Variants in MERTK observed in about 807,000 individuals in gnomAD.
MERTK encodes the protein tyrosine-protein kinase Mer.
Under a neutral mutation model 99.3 loss-of-function variants are expected in MERTK, and 69 were observed. That is an observed-to-expected ratio of 0.70 (90% CI 0.57 to 0.85). MERTK has a LOEUF of 0.85. Among genes scored for constraint, MERTK ranks in the 40% least tolerant of loss-of-function variants. The pLI, the probability that MERTK is intolerant of heterozygous loss-of-function variation, is 0.00. For missense variants in MERTK, 1,125 were observed against 1,249.4 expected, an observed-to-expected ratio of 0.90 and a Z score of 1.50; for synonymous variants, 426 against 467.6, an observed-to-expected ratio of 0.91 and a Z score of 1.15.
chr2:111,913,645 G>T (rs1684292153), intron 1 of MERTK, among the ~76,000 whole-genome samples: 1 of 152,268 alleles, frequency 6.6e-6, no homozygotes, highest in South Asian at 2.1e-4. Flanking sequence ...CAGGGCTCAA[G>T]CGATTCTTGT....
intron 4 of MERTK, among the ~76,000 whole-genome samples, chr2:111,955,262 G>A (rs1685126404): frequency 1.3e-5 from 2 of 152,148 alleles, no homozygotes; most frequent in Admixed American, 1.3e-4. Flanking sequence ...TGTGTTGTAT[G>A]AGCTTTCTTT....
intron 10 of MERTK, among the ~76,000 whole-genome samples, chr2:112,000,499 T>C (rs77891255): frequency 6.6e-6 from 1 of 152,304 alleles, no homozygotes; most frequent in East Asian, 1.9e-4. Flanking sequence ...TCGGGTGTTT[T>C]GTAGGATGCC....
intron 4 of MERTK, among the ~76,000 whole-genome samples, chr2:111,950,590 A>G (rs1414295834): frequency 6.6e-6 from 1 of 152,184 alleles, no homozygotes; most frequent in Non-Finnish European, 1.5e-5. Flanking sequence ...AAGTGTAGAC[A>G]TTTAGTGGAT....
At chr2:111,931,146 C>A (rs906064776) in intron 2 of MERTK, among the ~76,000 whole-genome samples, 2 of 152,182 alleles carry the variant, frequency 1.3e-5, no homozygotes, top group African/African-American at 4.8e-5. Context: ...CTCACAATTA[C>A]CACAGACCTA....
At chr2:112,024,367 C>T (rs1445718207) in intron 18 of MERTK, among the ~76,000 whole-genome samples, 4 of 152,222 alleles carry the variant, frequency 2.6e-5, no homozygotes, top group African/African-American at 7.2e-5. Flanking sequence ...AATGCTGAGT[C>T]GGTTTTCTGT....
intron 4 of MERTK, chr2:111,952,643 A>G (rs1212875999): frequency 6.6e-6 from 1 of 152,224 alleles, no homozygotes; most frequent in East Asian, 1.9e-4. Flanking sequence ...CATGGAATCC[A>G]CAGTACCACA....
At chr2:111,947,285 A>C (rs7601798) in intron 3 of MERTK, 109 bp from the exon 4 acceptor site, 68,769 of 480,970 alleles carry the variant, frequency 0.14, 6 homozygotes, top group South Asian at 0.21. Context: ...CCCGCCCCCC[A>C]CAAAAAAAGA....
chr2:112,021,941 T>C (rs987407817), intron 17 of MERTK, among the ~76,000 whole-genome samples: 6 of 152,112 alleles, frequency 3.9e-5, no homozygotes, highest in Admixed American at 6.5e-5. Flanking sequence ...TGAAAGGTGC[T>C]GTGTAATTAC....
chr2:111,914,774 T>C lies in MERTK; in HGVS notation c.62-14346T>C, dbSNP rs542050148. Reference sequence around the variant, plus strand: ...CTTGATTGTGGTATATAATTATTTTTATATATTGGTGAGTTCTATTTGTTG... The same window carrying C: ...CTTGATTGTGGTATATAATTATTTTCATATATTGGTGAGTTCTATTTGTTG... On this transcript the variant is annotated intron_variant, in intron 1 of 18. Coordinates refer to ENST00000295408, the MANE Select transcript of MERTK (RefSeq NM_006343.3). Among the ~76,000 whole-genome samples the C allele has an allele frequency of 3.9e-5, 6 of 152,362 alleles. No homozygotes were observed. In the South Asian group the frequency reaches 1.0e-3, roughly 26 times the overall value.
intron 1 of MERTK, among the ~76,000 whole-genome samples, chr2:111,928,761 C>T (rs914381210): frequency 3.3e-5 from 5 of 152,238 alleles, no homozygotes; most frequent in Admixed American, 2.0e-4. Flanking sequence ...GCCAAGATTA[C>T]AGGTGTGAGC....
chr2:111,906,604 G>C (rs1377434820), intron 1 of MERTK, among the ~76,000 whole-genome samples: 1 of 152,200 alleles, frequency 6.6e-6, no homozygotes, highest in Non-Finnish European at 1.5e-5. Context: ...GTGCCTGGAG[G>C]CCAGTTTTTC....
chr2:111,994,468 G>C, intron 9 of MERTK, 64 bp downstream of exon 9: 1 of 1,595,708 alleles, frequency 6.3e-7, no homozygotes, highest in Non-Finnish European at 8.6e-7. Context: ...CAGATTGCCA[G>C]AAAGTAACCT....
At chr2:111,938,285 C>G (rs1479869132) in intron 2 of MERTK, among the ~76,000 whole-genome samples, 1 of 151,832 alleles carries the variant, frequency 6.6e-6, no homozygotes, top group Non-Finnish European at 1.5e-5. Flanking sequence ...TTTGTAGAGA[C>G]AGGGTTTTGC....
At chr2:112,013,790 G>C (rs1409886263) in intron 15 of MERTK, among the ~76,000 whole-genome samples, 1 of 149,110 alleles carries the variant, frequency 6.7e-6, no homozygotes, top group Non-Finnish European at 1.5e-5. Flanking sequence ...ATTTCAGTGG[G>C]TTTTGTTTCA....
chr2:111,927,421 C>T (rs1684587707), intron 1 of MERTK, among the ~76,000 whole-genome samples: 2 of 152,196 alleles, frequency 1.3e-5, no homozygotes, highest in African/African-American at 4.8e-5. Context: ...ACTTATATCT[C>T]CCATTAGCCA....
In MERTK at chr2:112,028,553, A is replaced by G. The variant is rs775526399; in HGVS notation, c.2689A>G (p.Ile897Val). 2 of 1,614,188 alleles carry G rather than the reference A, an allele frequency of 1.2e-6. No individual in the cohort carries two copies. The highest frequency in any genetic ancestry group is 3.3e-5 in the Admixed American group (2 of 60,018). ...GSTLAPLDLN[I>V]DPDSIIASCT... ...CACCCTTGCTCCACTGGACTTGAACATCGACCCTGACTCTATAATTGCCTC... is the reference window on the plus strand; with the variant it reads ...CACCCTTGCTCCACTGGACTTGAACGTCGACCCTGACTCTATAATTGCCTC... The change falls in exon 19 of 19, where the codon ATC becomes GTC. Residue 897 changes from isoleucine to valine, a missense_variant. Coordinates refer to ENST00000295408, the MANE Select transcript of MERTK (RefSeq NM_006343.3).
intron 15 of MERTK, among the ~76,000 whole-genome samples, chr2:112,012,305 C>T (rs1336907924): frequency 1.0e-5 from 1 of 97,898 alleles, no homozygotes; most frequent in Non-Finnish European, 2.3e-5. Context: ...TCACTTCCCC[C>T]CCACCCCCAC....
Position 112,021,437 on chromosome 2 carries a change from G to A in MERTK, c.2205G>A (p.Met735Ile), listed in dbSNP as rs1265440323. 18 of 1,613,484 alleles carry A rather than the reference G, an allele frequency of 1.1e-5. No homozygotes were observed. The highest frequency in any genetic ancestry group is 1.5e-5 in the Non-Finnish European group (18 of 1,179,876). The change falls in exon 17 of 19, where the codon ATG becomes ATA. Residue 735 changes from methionine (M) to isoleucine (I), a missense_variant. Transcript: ENST00000295408. ...AARNCMLRDD[M>I]TVCVADFGLS... Reference sequence around the variant, plus strand: ...CTCTCTGTAGGTTGCGAGATGACATGACTGTCTGTGTTGCGGACTTCGGCC... The same window carrying A: ...CTCTCTGTAGGTTGCGAGATGACATAACTGTCTGTGTTGCGGACTTCGGCC...
At chr2:111,932,124 T>C (rs1376685817) in intron 2 of MERTK, among the ~76,000 whole-genome samples, 1 of 152,224 alleles carries the variant, frequency 6.6e-6, no homozygotes, top group Non-Finnish European at 1.5e-5. Flanking sequence ...GAGAAAAATC[T>C]TATTTGACCT....
Sources: allele counts gnomAD v4.1 joint callset (sites outside exome capture counted in the v4.1 genomes callset), GRCh38; gene constraint gnomAD v4.1.1; transcripts MANE v1.5; gene names NCBI Gene and HGNC (gene_info 2026-07-23, HGNC 2026-07-21).